Variants in GABRG3 observed in about 807,000 individuals in gnomAD.
The protein encoded by GABRG3 is gamma-aminobutyric acid type A receptor subunit gamma3, also known as gamma-aminobutyric acid receptor subunit gamma-3.
In GABRG3, 25 loss-of-function variants were observed where a neutral mutation model predicts 48.8. The ratio of observed to expected loss-of-function variants is 0.51; its 90% CI spans 0.37 to 0.72. The LOEUF (loss-of-function observed/expected upper bound fraction) is 0.72, where lower values mean the gene tolerates loss of function less well. Ranked by LOEUF, GABRG3 falls within the 30% of genes least tolerant of loss-of-function variation. The pLI is 0.00. For synonymous variants in GABRG3, 227 were observed against 217.6 expected (o/e 1.04, Z -0.38); for missense variants, 394 against 577.9 (o/e 0.68, Z 3.26).
intron 5 of GABRG3, among the ~76,000 whole-genome samples, chr15:27,396,019 C>A (rs542351225): frequency 6.6e-6 from 1 of 152,224 alleles, no homozygotes; most frequent in South Asian, 2.1e-4. Context: ...CATCACCATG[C>A]CTGGCTAATT....
chr15:27,053,350 A>G (rs1239676235), intron 3 of GABRG3, among the ~76,000 whole-genome samples: 1 of 152,254 alleles, frequency 6.6e-6, no homozygotes, highest in Non-Finnish European at 1.5e-5. Context: ...ATACTTCTCA[A>G]AAGAAGACAT....
In GABRG3 at chr15:27,382,946, C is replaced by A. The variant is rs564699845; in HGVS notation, c.574+54058C>A. On this transcript the variant is annotated intron_variant, in intron 5 of 9. Transcript: ENST00000615808. ...GTTGAGTGTGCTTGGATATATTAAT[C>A]CTAAATTCAATGCAGAGGTCCAAAT... Among the ~76,000 whole-genome samples the A allele has an allele frequency of 5.3e-5, 8 of 152,156 alleles. No individual in the cohort carries two copies. In the South Asian group the frequency reaches 1.0e-3, roughly 20 times the overall value.
chr15:27,043,653 G>T (rs1406024665), intron 3 of GABRG3, among the ~76,000 whole-genome samples: 1 of 152,210 alleles, frequency 6.6e-6, no homozygotes, highest in Non-Finnish European at 1.5e-5. Context: ...CTCATGGAAT[G>T]AGGCATTGCT....
intron 2 of GABRG3, among the ~76,000 whole-genome samples, chr15:26,981,060 C>T (rs1395658699): frequency 6.6e-6 from 1 of 152,028 alleles, no homozygotes; most frequent in African/African-American, 2.4e-5. Flanking sequence ...TGCACATGTA[C>T]CCCTGAAGTT....
chr15:27,273,075 AT>A, intron 3 of GABRG3, among the ~76,000 whole-genome samples: 1 of 152,324 alleles, frequency 6.6e-6, no homozygotes, highest in African/African-American at 2.4e-5. Flanking sequence ...AGATTTGGCC[AT>A]AGTTTGTTGA....
intron 2 of GABRG3, among the ~76,000 whole-genome samples, chr15:26,983,206 C>A (rs1334351440): frequency 1.3e-5 from 2 of 150,660 alleles, no homozygotes; most frequent in Admixed American, 6.6e-5. Flanking sequence ...ATCAGGCCTT[C>A]TCATCCCTTA....
intron 3 of GABRG3, among the ~76,000 whole-genome samples, chr15:27,081,133 A>G (rs548581106): frequency 1.3e-5 from 2 of 152,302 alleles, no homozygotes; most frequent in South Asian, 4.1e-4. Flanking sequence ...CTGAGCAGTA[A>G]TAAATGGCTG....
intron 3 of GABRG3, among the ~76,000 whole-genome samples, chr15:27,225,871 C>T (rs561784114): frequency 6.6e-6 from 1 of 152,260 alleles, no homozygotes; most frequent in South Asian, 2.1e-4. Flanking sequence ...ACAGACTCCA[C>T]ATGGCCGGAG....
intron 2 of GABRG3, among the ~76,000 whole-genome samples, chr15:27,012,887 T>C (rs1027494873): frequency 2.0e-5 from 3 of 152,138 alleles, no homozygotes; most frequent in Admixed American, 2.0e-4. Context: ...GTAGAATGAA[T>C]AGTGGTAAGC....
Position 26,971,368 on chromosome 15 carries a change from GC to G in GABRG3, c.-164del. The G allele has an allele frequency of 2.4e-6, 1 of 412,280 alleles. No homozygotes were observed. The highest frequency in any genetic ancestry group is 4.0e-6 in the Non-Finnish European group (1 of 247,508). 25.5% of individuals were successfully genotyped at this position (412,280 alleles called of 1,614,324 possible). ...GGCGTCCCGTGTGCGTCCAGTGTGC[GC>G]CCCGCGGGGGCGCGGCCAGCGCCAG... On this transcript the variant is annotated 5_prime_UTR_variant, in exon 1 of 10. Coordinates refer to ENST00000615808, the MANE Select transcript of GABRG3 (RefSeq NM_033223.5).
At chr15:27,131,098 A>G (rs1897908681) in intron 3 of GABRG3, among the ~76,000 whole-genome samples, 1 of 152,078 alleles carries the variant, frequency 6.6e-6, no homozygotes. Flanking sequence ...TAAAGTGGGC[A>G]TTCTTGTCCT....
chr15:27,081,160 A>C (rs1242473644), intron 3 of GABRG3, among the ~76,000 whole-genome samples: 1 of 152,160 alleles, frequency 6.6e-6, no homozygotes, highest in African/African-American at 2.4e-5. Flanking sequence ...TAAGCCAGTG[A>C]GTGTTGGTTA....
chr15:27,343,842 A>G (rs1320579911), intron 5 of GABRG3, among the ~76,000 whole-genome samples: 1 of 152,244 alleles, frequency 6.6e-6, no homozygotes, highest in Admixed American at 6.5e-5. Flanking sequence ...CAAACAATCC[A>G]ATTATTATTT....
intron 2 of GABRG3, among the ~76,000 whole-genome samples, chr15:27,019,055 CTTTTTTTTTTTTTT>C (rs9331868): frequency 2.6e-4 from 11 of 42,034 alleles, no homozygotes; most frequent in South Asian, 2.7e-3. Context: ...TCCCTAGAGT[CTTTTTTTTTTTTTT>C]TTTTTTTTTT....
At chr15:27,481,974 C>T (rs1351566576) in intron 6 of GABRG3, among the ~76,000 whole-genome samples, 1 of 152,128 alleles carries the variant, frequency 6.6e-6, no homozygotes, top group African/African-American at 2.4e-5. Flanking sequence ...GGGAGGACTG[C>T]TCTAGCATTT....
At chr15:27,117,735 C>T (rs185829992) in intron 3 of GABRG3, among the ~76,000 whole-genome samples, 2 of 152,220 alleles carry the variant, frequency 1.3e-5, no homozygotes, top group East Asian at 3.9e-4. Flanking sequence ...AGCTCTTTAT[C>T]TAATGAAAAA....
At chr15:27,063,732 G>T (rs1394400682) in intron 3 of GABRG3, among the ~76,000 whole-genome samples, 1 of 152,194 alleles carries the variant, frequency 6.6e-6, no homozygotes, top group Admixed American at 6.5e-5. Flanking sequence ...GCCAGCTCAG[G>T]CCAGGTGGGG....
At chr15:27,477,319 C>T (rs1889969769) in intron 5 of GABRG3, among the ~76,000 whole-genome samples, 1 of 152,060 alleles carries the variant, frequency 6.6e-6, no homozygotes, top group Non-Finnish European at 1.5e-5. Context: ...ATAAGCAAAC[C>T]TGAAATAGCT....
intron 5 of GABRG3, among the ~76,000 whole-genome samples, chr15:27,400,888 A>T (rs72705730): frequency 0.056 from 8,522 of 152,254 alleles, 323 homozygotes; most frequent in South Asian, 0.19. Flanking sequence ...CCTGGCTCAC[A>T]CAACTACAGA....
Sources: allele counts gnomAD v4.1 joint callset (sites outside exome capture counted in the v4.1 genomes callset), GRCh38; gene constraint gnomAD v4.1.1; transcripts MANE v1.5; gene names NCBI Gene and HGNC (gene_info 2026-07-23, HGNC 2026-07-21).